SNTG2: variants seen among roughly 807,000 people sequenced by gnomAD.
SNTG2 encodes the protein syntrophin gamma 2.
SNTG2 carries 74 observed loss-of-function variants against 70.9 expected under a neutral mutation model. The observed-to-expected ratio is 1.04, with a 90% CI of 0.86 to 1.27. SNTG2 has a LOEUF of 1.27. SNTG2 is among the 50% of genes most tolerant of loss of function. SNTG2 has a pLI of 0.00. For synonymous variants in SNTG2, 278 were observed against 273.8 expected (o/e 1.02, Z -0.15); for missense variants, 717 against 690.7 (o/e 1.04, Z -0.43).
intron 6 of SNTG2, among the ~76,000 whole-genome samples, chr2:1,148,876 T>C (rs750871764): frequency 1.3e-5 from 2 of 151,984 alleles, no homozygotes; most frequent in African/African-American, 4.8e-5. Context: ...TGCAGGTGCC[T>C]CCTGCCCTGG....
intron 4 of SNTG2, among the ~76,000 whole-genome samples, chr2:1,119,816 A>G (rs1337148445): frequency 2.6e-5 from 4 of 152,188 alleles, no homozygotes; most frequent in Admixed American, 1.3e-4. Flanking sequence ...CTCATTTCTT[A>G]TCTGTCAATA....
At chr2:1,064,088 C>T (rs1662999135) in intron 1 of SNTG2, among the ~76,000 whole-genome samples, 1 of 151,740 alleles carries the variant, frequency 6.6e-6, no homozygotes, top group African/African-American at 2.4e-5. Context: ...AAAAGACAGC[C>T]AACTTCTTAG....
chr2:962,712 T>A (rs1028925423), intron 1 of SNTG2, among the ~76,000 whole-genome samples: 1 of 152,192 alleles, frequency 6.6e-6, no homozygotes, highest in Non-Finnish European at 1.5e-5. Context: ...TTCAACCTCA[T>A]GATGTTAAGT....
At chr2:1,309,958 C>T in intron 15 of SNTG2, among the ~76,000 whole-genome samples, 1 of 152,192 alleles carries the variant, frequency 6.6e-6, no homozygotes, top group East Asian at 1.9e-4. Context: ...TATTTGGAAG[C>T]CAGTTCTTCA....
At chr2:1,067,011 T>C (rs1663205017) in intron 1 of SNTG2, among the ~76,000 whole-genome samples, 1 of 152,218 alleles carries the variant, frequency 6.6e-6, no homozygotes, top group Non-Finnish European at 1.5e-5. Flanking sequence ...ATTGTTGCTG[T>C]TGCGAGTTGT....
chr2:993,266 C>T (rs1661565754), intron 1 of SNTG2, among the ~76,000 whole-genome samples: 2 of 146,024 alleles, frequency 1.4e-5, no homozygotes, highest in Non-Finnish European at 3.0e-5. Flanking sequence ...TGATATTCCC[C>T]TTCCTGTGTC....
chr2:1,055,864 G>A (rs1245145323), intron 1 of SNTG2, among the ~76,000 whole-genome samples: 1 of 152,178 alleles, frequency 6.6e-6, no homozygotes, highest in Admixed American at 6.5e-5. Context: ...AGAATGAGCA[G>A]GTGTCTTTAG....
At chr2:1,019,193 G>C (rs1050888254) in intron 1 of SNTG2, among the ~76,000 whole-genome samples, 2 of 152,196 alleles carry the variant, frequency 1.3e-5, no homozygotes, top group Non-Finnish European at 2.9e-5. Flanking sequence ...CTTTGGCTCA[G>C]CTTCATGTGA....
chr2:1,222,542 AT>A (rs1675365441), intron 9 of SNTG2, among the ~76,000 whole-genome samples: 13 of 117,016 alleles, frequency 1.1e-4, no homozygotes, highest in Admixed American at 5.2e-4. Context: ...GAGGTGCTGG[AT>A]CGCTGTAGAG....
At chr2:1,263,677 G>T (rs1336840956) in intron 13 of SNTG2, among the ~76,000 whole-genome samples, 1 of 152,126 alleles carries the variant, frequency 6.6e-6, no homozygotes, top group African/African-American at 2.4e-5. Flanking sequence ...GTACGGCCTG[G>T]CTCAGCATTG....
intron 1 of SNTG2, among the ~76,000 whole-genome samples, chr2:1,049,998 C>CT (rs1443125972): frequency 6.6e-6 from 1 of 152,124 alleles, no homozygotes; most frequent in Admixed American, 6.5e-5. Context: ...GTGTTATTCT[C>CT]TTTTTTTCAG....
At chr2:1,310,684 A>G (rs1680940648) in intron 15 of SNTG2, among the ~76,000 whole-genome samples, 1 of 151,990 alleles carries the variant, frequency 6.6e-6, no homozygotes, top group African/African-American at 2.4e-5. Context: ...GGGCATCACC[A>G]TCCTTCTCCG....
At chr2:1,007,026 C>G (rs1659592891) in intron 1 of SNTG2, among the ~76,000 whole-genome samples, 1 of 136,218 alleles carries the variant, frequency 7.3e-6, no homozygotes, top group Non-Finnish European at 1.6e-5. Flanking sequence ...GAAACTCCAT[C>G]TCAAATAAAT....
In SNTG2 at chr2:974,468, C is replaced by T. The variant is rs994652965; in HGVS notation, c.72+23400C>T. 5.9e-5 allele frequency among the ~76,000 whole-genome samples: 9 copies of T among 152,112 alleles called. No homozygotes were observed. The East Asian group carries it at 9.7e-4, about 16-fold the overall frequency. ...CCTGTCAGTTTGACCCTGGGGTGAG[C>T]GTTAGGGCATCAGTGCATAAGTGAC... On this transcript the variant is annotated intron_variant, in intron 1 of 16. Transcript: ENST00000308624.
intron 16 of SNTG2, among the ~76,000 whole-genome samples, chr2:1,333,097 T>TGTAAA (rs1491144469): frequency 6.6e-6 from 1 of 152,188 alleles, no homozygotes; most frequent in Non-Finnish European, 1.5e-5. Context: ...AAATGAATCA[T>TGTAAA]GTAAAGTCTC....
chr2:1,353,268 G>A lies in SNTG2; in HGVS notation c.1489-14075G>A, dbSNP rs542743319. On this transcript the variant is annotated intron_variant, in intron 16 of 16. Coordinates refer to ENST00000308624, the MANE Select transcript of SNTG2 (RefSeq NM_018968.4). The surrounding 1 kb of genome is among the most constrained non-coding windows in gnomAD (Gnocchi z 4.2). ...CAGAAACAGTGGGCGGAAGGAGCACGACCTGAGCTCCAGGGTGTGTTCATA... is the reference window on the plus strand; with the variant it reads ...CAGAAACAGTGGGCGGAAGGAGCACAACCTGAGCTCCAGGGTGTGTTCATA... 2.0e-5 allele frequency among the ~76,000 whole-genome samples: 3 copies of A among 152,136 alleles called. No individual in the cohort carries two copies. The highest frequency in any genetic ancestry group is 1.9e-4 in the East Asian group (1 of 5,178).
chr2:1,083,247 A>G (rs1047025909), intron 1 of SNTG2, among the ~76,000 whole-genome samples: 2 of 70,926 alleles, frequency 2.8e-5, no homozygotes, highest in Middle Eastern at 9.4e-3. Context: ...AAACTTCACA[A>G]GTTAAAAAAA....
chr2:1,126,194 G>A (rs1572506675), intron 4 of SNTG2, among the ~76,000 whole-genome samples: 2 of 152,020 alleles, frequency 1.3e-5, no homozygotes, highest in South Asian at 4.2e-4. Context: ...CTACTCCTTA[G>A]TTCTATGAGA....
Position 1,051,412 on chromosome 2 carries a change from C to T in SNTG2, c.73-32106C>T, listed in dbSNP as rs150765352. 3.3e-5 allele frequency among the ~76,000 whole-genome samples: 5 copies of T among 152,268 alleles called. No individual in the cohort carries two copies. In the East Asian group the frequency reaches 7.7e-4, roughly 24 times the overall value. The stretch of plus-strand genomic sequence containing the variant: ...TCTCTTATTAAAAGGCTTTAGGTAA[C>T]AACATTTGTCAACACTTTTTTGAGA... On this transcript the variant is annotated intron_variant, in intron 1 of 16. Coordinates refer to ENST00000308624, the MANE Select transcript of SNTG2 (RefSeq NM_018968.4).
Sources: gnomAD v4.1 joint callset for allele counts (sites outside exome capture counted in the v4.1 genomes callset) on GRCh38, gnomAD v4.1.1 for gene constraint, Gnocchi (gnomAD v3.1) non-coding constraint, MANE v1.5 for transcripts, NCBI Gene and HGNC (gene_info 2026-07-23, HGNC 2026-07-21) for gene names.